DNAH6: variants seen among roughly 807,000 people sequenced by gnomAD.
The protein encoded by DNAH6 is dynein axonemal heavy chain 6.
A neutral mutation model predicts 491.4 loss-of-function variants in DNAH6; 340 were observed. The observed-to-expected ratio is 0.69, with a 90% CI of 0.63 to 0.76. The LOEUF (loss-of-function observed/expected upper bound fraction) is 0.76. DNAH6 is among the 30% of genes least tolerant of loss of function. The probability of loss-of-function intolerance (pLI) is 0.00; values close to 1 mark genes in which losing one functional copy is unlikely to be tolerated. For missense variants in DNAH6, 4,443 were observed against 4,972.2 expected, an observed-to-expected ratio of 0.89 and a Z score of 3.20; for synonymous variants, 1,603 against 1,686.1, an observed-to-expected ratio of 0.95 and a Z score of 1.21.
chr2:84,625,101 T>C (rs961461482), intron 29 of DNAH6, 38 bp downstream of exon 29: 2 of 1,446,538 alleles, frequency 1.4e-6, no homozygotes, highest in Non-Finnish European at 1.8e-6. Flanking sequence ...ATTAAGTGTT[T>C]TATGTGTCTT....
intron 58 of DNAH6, among the ~76,000 whole-genome samples, chr2:84,717,883 G>A (rs561291580): frequency 6.6e-6 from 1 of 152,296 alleles, no homozygotes; most frequent in South Asian, 2.1e-4. Context: ...ACAAGCAAGC[G>A]TTAGAGACAG....
At chr2:84,798,503 C>T (rs1246483482) in intron 70 of DNAH6, among the ~76,000 whole-genome samples, 1 of 152,178 alleles carries the variant, frequency 6.6e-6, no homozygotes, top group Non-Finnish European at 1.5e-5. Context: ...TGCAGGATAA[C>T]ACTACCACAC....
the DNAH6 span, among the ~76,000 whole-genome samples, chr2:84,497,587 C>T: frequency 1.3e-5 from 2 of 152,108 alleles, no homozygotes; most frequent in African/African-American, 4.8e-5. Flanking sequence ...ATAGGATTAC[C>T]AACCCAGAAT....
At chr2:84,714,789 T>C (rs544019816) in intron 57 of DNAH6, among the ~76,000 whole-genome samples, 1 of 151,736 alleles carries the variant, frequency 6.6e-6, no homozygotes, top group Admixed American at 6.6e-5. Context: ...AATTATCCCA[T>C]TTCCAGGAAC....
At chr2:84,646,409 C>T (rs1689902299) in intron 33 of DNAH6, among the ~76,000 whole-genome samples, 1 of 152,148 alleles carries the variant, frequency 6.6e-6, no homozygotes, top group Non-Finnish European at 1.5e-5. Flanking sequence ...AGTCACACAC[C>T]TCTCACCTTA....
At chr2:84,483,572 C>T in the DNAH6 span, among the ~76,000 whole-genome samples, 1 of 151,910 alleles carries the variant, frequency 6.6e-6, no homozygotes, top group Admixed American at 6.6e-5. Context: ...CTTCTCTTTC[C>T]CCATGTTTCT....
the DNAH6 span, among the ~76,000 whole-genome samples, chr2:84,507,228 C>T: frequency 2.6e-5 from 4 of 152,078 alleles, no homozygotes; most frequent in African/African-American, 4.8e-5. Flanking sequence ...TGTTTGTATC[C>T]TCTTTTATTT....
chr2:84,770,858 C>T (rs908394026), intron 64 of DNAH6, among the ~76,000 whole-genome samples: 1 of 152,104 alleles, frequency 6.6e-6, no homozygotes, highest in African/African-American at 2.4e-5. Context: ...GGCATGGTGG[C>T]ATGCGCCTGT....
At chr2:84,616,000 A>C (rs1686821254) in intron 22 of DNAH6, among the ~76,000 whole-genome samples, 1 of 151,816 alleles carries the variant, frequency 6.6e-6, no homozygotes, top group South Asian at 2.1e-4. Flanking sequence ...GGTTTTGAGG[A>C]TTCCTTTTGG....
upstream of DNAH6, among the ~76,000 whole-genome samples, chr2:84,512,981 A>C (rs1351812137): frequency 6.6e-6 from 1 of 151,984 alleles, no homozygotes; most frequent in East Asian, 1.9e-4. Flanking sequence ...GTAATTACTG[A>C]TGAGGAAGGA....
At chr2:84,605,756 T>C (rs897090227) in intron 20 of DNAH6, among the ~76,000 whole-genome samples, 164 bp downstream of exon 20, 19 of 152,302 alleles carry the variant, frequency 1.2e-4, no homozygotes, top group African/African-American at 4.1e-4. Flanking sequence ...CGTGAATGCT[T>C]GTACGTGAAA....
At chr2:84,678,928 A>G (rs1272510924) in intron 41 of DNAH6, among the ~76,000 whole-genome samples, 2 of 152,202 alleles carry the variant, frequency 1.3e-5, no homozygotes, top group African/African-American at 2.4e-5. Flanking sequence ...TGCCTGTAGG[A>G]AAAAAGAACT....
chr2:84,481,377 A>G, the DNAH6 span, among the ~76,000 whole-genome samples: 2 of 152,204 alleles, frequency 1.3e-5, no homozygotes, highest in Admixed American at 1.3e-4. Context: ...AATGGTAAGT[A>G]GAAAAGAAAC....
chr2:84,499,235 G>T, the DNAH6 span, among the ~76,000 whole-genome samples: 1 of 151,502 alleles, frequency 6.6e-6, no homozygotes, highest in Non-Finnish European at 1.5e-5. Context: ...TCTACTCTGT[G>T]TATCCATGAG....
intron 35 of DNAH6, among the ~76,000 whole-genome samples, chr2:84,656,380 G>A (rs1049703556): frequency 6.6e-6 from 1 of 152,106 alleles, no homozygotes; most frequent in East Asian, 1.9e-4. Context: ...GTCTTCTAAT[G>A]TGGCTGTATC....
rs1221891368 is a variant in DNAH6 at position 84,544,520 on chromosome 2, A to G, written c.930+20A>G. On this transcript the variant is annotated intron_variant, in intron 5 of 76. Transcript: ENST00000389394. ...AATCCTGTATGTATTTATCATTTAT[A>G]TTTTAAAATAATTACTTACAAAAAA... The G allele has an allele frequency of 7.1e-6, 9 of 1,272,842 alleles. No homozygotes were observed. The highest frequency in any genetic ancestry group is 9.8e-6 in the Non-Finnish European group (9 of 921,620). 78.8% of individuals were successfully genotyped at this position (1,272,842 alleles called of 1,614,324 possible).
intron 56 of DNAH6, among the ~76,000 whole-genome samples, chr2:84,711,446 A>G (rs1311854086): frequency 6.6e-6 from 1 of 152,242 alleles, no homozygotes; most frequent in Non-Finnish European, 1.5e-5. Flanking sequence ...AGAAAGCTCA[A>G]AAAGACCATG....
intron 21 of DNAH6, among the ~76,000 whole-genome samples, chr2:84,610,538 T>C (rs1531364): frequency 0.19 from 29,400 of 152,062 alleles, 5,537 homozygotes; most frequent in African/African-American, 0.49. Context: ...GTGCACATGT[T>C]CTTTTGATTT....
At chr2:84,757,658 A>G (rs2105108149) in intron 63 of DNAH6, among the ~76,000 whole-genome samples, 1 of 152,366 alleles carries the variant, frequency 6.6e-6, no homozygotes, top group East Asian at 1.9e-4. Context: ...TATGAACAAG[A>G]TCTTTAATAC....
Sources: gnomAD v4.1 joint callset for allele counts (sites outside exome capture counted in the v4.1 genomes callset) on GRCh38, gnomAD v4.1.1 for gene constraint, MANE v1.5 for transcripts, NCBI Gene and HGNC (gene_info 2026-07-23, HGNC 2026-07-21) for gene names.